BTBD16: variants seen among roughly 807,000 people sequenced by gnomAD.
BTBD16 encodes the protein BTB/POZ domain-containing protein 16.
Under a neutral mutation model 67.4 loss-of-function variants are expected in BTBD16, and 66 were observed. The observed-to-expected ratio is 0.98, with a 90% CI of 0.80 to 1.20. BTBD16 has a LOEUF of 1.20. Ranked by LOEUF, BTBD16 falls within the 50% of genes most tolerant of loss-of-function variation. The pLI is 0.00. For synonymous variants in BTBD16, 242 were observed against 236.4 expected (o/e 1.02, Z -0.22); for missense variants, 634 against 616.0 (o/e 1.03, Z -0.31).
intron 10 of BTBD16, among the ~76,000 whole-genome samples, chr10:122,309,405 C>T (rs367727649): frequency 3.0e-4 from 46 of 151,320 alleles, no homozygotes; most frequent in South Asian, 1.5e-3. Context: ...AGTGCAGTAG[C>T]GCCATCTCAG....
At chr10:122,296,116 C>G (rs543849784) in intron 7 of BTBD16, among the ~76,000 whole-genome samples, 22 of 152,068 alleles carry the variant, frequency 1.4e-4, no homozygotes, top group African/African-American at 5.1e-4. Context: ...TCGATGCAAA[C>G]TAGATAACAG....
rs745381775 is a variant in BTBD16, at chr10:122,338,086, C to G, written c.*1C>G. 1.1e-5 allele frequency: 18 copies of G among 1,593,552 alleles called. No individual in the cohort carries two copies. The Admixed American group carries it at 2.5e-4, about 22-fold the overall frequency. Reference sequence around the variant, plus strand: ...TGCATTCATCTTCCCAGCATCTTGACAGTTTCCAGAAGAATCTATGGGATT... The same window carrying G: ...TGCATTCATCTTCCCAGCATCTTGAGAGTTTCCAGAAGAATCTATGGGATT... On this transcript the variant is annotated 3_prime_UTR_variant, in exon 16 of 16. Transcript: ENST00000260723.
At chr10:122,276,297 T>C (rs74161441) in intron 2 of BTBD16, among the ~76,000 whole-genome samples, 4,207 of 152,316 alleles carry the variant, frequency 0.028, 195 homozygotes, top group African/African-American at 0.096. Context: ...GTAGTGGTAT[T>C]GGTTGCATAA....
intron 3 of BTBD16, among the ~76,000 whole-genome samples, 155 bp downstream of exon 3, chr10:122,277,094 G>T (rs1163373429): frequency 1.3e-5 from 2 of 152,136 alleles, no homozygotes; most frequent in African/African-American, 4.8e-5. Flanking sequence ...GCATGGACAG[G>T]GTCATAAGTG....
At chr10:122,316,633 T>G (rs1180029156) in intron 10 of BTBD16, among the ~76,000 whole-genome samples, 1 of 152,118 alleles carries the variant, frequency 6.6e-6, no homozygotes, top group Non-Finnish European at 1.5e-5. Flanking sequence ...TTCATGTATC[T>G]AAACATATAT....
chr10:122,331,304 C>T (rs1392676257), intron 12 of BTBD16, 46 bp downstream of exon 12: 1 of 1,601,418 alleles, frequency 6.2e-7, no homozygotes, highest in South Asian at 1.1e-5. Flanking sequence ...AGTTTATTGC[C>T]TCTCTGACTT....
At chr10:122,333,396 T>C (rs1394343270) in intron 13 of BTBD16, among the ~76,000 whole-genome samples, 1 of 152,192 alleles carries the variant, frequency 6.6e-6, no homozygotes, top group African/African-American at 2.4e-5. Context: ...TTTACCTCAC[T>C]AAGGAACATG....
rs756121510 is a variant in BTBD16, at chr10:122,332,549, G to A, written c.1164+36G>A. ...CTGTACCCGAACAAGGGGAAGAACT[G>A]TTCCTCTCGTGCTTAGTTAAGAACC... On this transcript the variant is annotated intron_variant, in intron 13 of 15. Coordinates refer to ENST00000260723, the MANE Select transcript of BTBD16 (RefSeq NM_144587.5). 3.1e-6 allele frequency: 5 copies of A among 1,589,074 alleles called. No individual in the cohort carries two copies. The South Asian group carries it at 3.3e-5, about 11-fold the overall frequency.
At chr10:122,296,548 C>T (rs1006922230) in intron 7 of BTBD16, among the ~76,000 whole-genome samples, 15 of 152,162 alleles carry the variant, frequency 9.9e-5, no homozygotes, top group Non-Finnish European at 1.9e-4. Flanking sequence ...CTCTCGGGTG[C>T]CCTGCTCAAT....
intron 3 of BTBD16, among the ~76,000 whole-genome samples, chr10:122,281,104 G>T (rs1350290944): frequency 6.6e-6 from 1 of 152,154 alleles, no homozygotes; most frequent in Non-Finnish European, 1.5e-5. Flanking sequence ...ACCGTGCCTG[G>T]CAAGACAAAG....
At chr10:122,280,761 C>T (rs939098726) in intron 3 of BTBD16, among the ~76,000 whole-genome samples, 1 of 151,970 alleles carries the variant, frequency 6.6e-6, no homozygotes, top group Admixed American at 6.6e-5. Context: ...AATACCAGTG[C>T]CACTGTAAAC....
intron 10 of BTBD16, among the ~76,000 whole-genome samples, chr10:122,315,947 A>G (rs1214117497): frequency 6.6e-6 from 1 of 152,160 alleles, no homozygotes; most frequent in Non-Finnish European, 1.5e-5. Flanking sequence ...TCCATCTCAC[A>G]CAAAGGTTTC....
intron 5 of BTBD16, among the ~76,000 whole-genome samples, chr10:122,289,583 G>A (rs1018167538): frequency 1.3e-5 from 2 of 151,996 alleles, no homozygotes; most frequent in Non-Finnish European, 2.9e-5. Flanking sequence ...TACTAAAAAT[G>A]TAAAACTAGC....
At chr10:122,321,859 T>C (rs894631463) in intron 10 of BTBD16, among the ~76,000 whole-genome samples, 2 of 152,212 alleles carry the variant, frequency 1.3e-5, no homozygotes, top group African/African-American at 2.4e-5. Flanking sequence ...ATTTTTGTTT[T>C]TATTGCAATT....
Position 122,275,032 on chromosome 10 carries a change from T to A in BTBD16, c.-42-8T>A. ...GAAAATGTCACCTTTACCTCTTTTG[T>A]CTTCTAGGTTGCTTGTCTTTTCTCT... On this transcript the variant is annotated splice_region_variant and splice_polypyrimidine_tract_variant and intron_variant, in intron 1 of 15. Coordinates refer to ENST00000260723, the MANE Select transcript of BTBD16 (RefSeq NM_144587.5). 1 of 1,606,038 alleles carries A rather than the reference T, an allele frequency of 6.2e-7. No individual in the cohort carries two copies. Among genetic ancestry groups the A allele is most frequent in the East Asian group, 2.2e-5 (1 of 44,840 alleles).
chr10:122,288,359 C>G lies in BTBD16; in HGVS notation c.386-1550C>G, dbSNP rs148202079. Among the ~76,000 whole-genome samples, 306 of 152,306 alleles carry G rather than the reference C, an allele frequency of 2.0e-3. 1 individual carries two copies. The highest frequency in any genetic ancestry group is 6.9e-3 in the African/African-American group (288 of 41,566). On this transcript the variant is annotated intron_variant, in intron 5 of 15. Coordinates refer to ENST00000260723, the MANE Select transcript of BTBD16 (RefSeq NM_144587.5). ...TTAGTAGGTTCTCAGTGAGTATTTA[C>G]TCAGTGAGAGCCAGCACAGAGCCAG... is the stretch of plus-strand genomic sequence containing the variant.
At position 122,281,520 on chromosome 10, in the gene BTBD16, C is replaced by T. The variant is rs748037786; in HGVS notation, c.168-2331C>T. Among the ~76,000 whole-genome samples, 9 of 152,190 alleles carry T rather than the reference C, an allele frequency of 5.9e-5. 1 individual carries two copies. Among genetic ancestry groups the T allele is most frequent in the South Asian group, 4.1e-4 (2 of 4,824 alleles). ...GCTAAAGCGGTCCTCCTCCCTCACC[C>T]TTGCATGTAGCTGGGACTATAGGAG... On this transcript the variant is annotated intron_variant, in intron 3 of 15. Transcript: ENST00000260723.
intron 10 of BTBD16, 71 bp downstream of exon 10, chr10:122,307,379 CG>C: frequency 7.1e-7 from 1 of 1,406,608 alleles, no homozygotes. Flanking sequence ...CATAATATCA[CG>C]GGGGAAAACC....
At chr10:122,279,442 C>T (rs988452256) in intron 3 of BTBD16, among the ~76,000 whole-genome samples, 3 of 150,452 alleles carry the variant, frequency 2.0e-5, no homozygotes, top group Non-Finnish European at 4.4e-5. Flanking sequence ...ATGATTGTGC[C>T]GTTTCACTCC....
Sources: allele counts gnomAD v4.1 joint callset (sites outside exome capture counted in the v4.1 genomes callset), GRCh38; gene constraint gnomAD v4.1.1; transcripts MANE v1.5; gene names NCBI Gene and HGNC (gene_info 2026-07-23, HGNC 2026-07-21).